The following HTR7 variants were observed in gnomAD, a reference collection of about 807,000 sequenced individuals.
HTR7 encodes 5-HT-7.
In HTR7, 16 loss-of-function variants were observed where a neutral mutation model predicts 34.0. That is an observed-to-expected ratio of 0.47 (90% CI 0.32 to 0.71). The LOEUF is 0.71. Among genes scored for constraint, HTR7 ranks in the 30% least tolerant of loss-of-function variants. The pLI, the probability that HTR7 is intolerant of heterozygous loss-of-function variation, is 0.04. For synonymous variants in HTR7, 265 were observed against 260.2 expected (o/e 1.02, Z -0.18); for missense variants, 504 against 625.5 (o/e 0.81, Z 2.07).
chr10:90,766,372 C>G (rs1038878606), intron 1 of HTR7, among the ~76,000 whole-genome samples: 1 of 152,138 alleles, frequency 6.6e-6, no homozygotes, highest in Non-Finnish European at 1.5e-5. Context: ...CATGAAATAT[C>G]TTTTTCCATC....
chr10:90,754,804 T>C (rs1844807725), intron 1 of HTR7, among the ~76,000 whole-genome samples: 1 of 152,204 alleles, frequency 6.6e-6, no homozygotes, highest in Admixed American at 6.5e-5. Flanking sequence ...AATGATAATT[T>C]AGGGAGTAAA....
At chr10:90,786,702 G>A (rs1845385401) in intron 1 of HTR7, among the ~76,000 whole-genome samples, 1 of 152,096 alleles carries the variant, frequency 6.6e-6, no homozygotes, top group Non-Finnish European at 1.5e-5. Context: ...TACACACAGC[G>A]GTACTCAACG....
chr10:90,748,685 G>A, intron 2 of HTR7, 154 bp downstream of exon 2: 1 of 797,206 alleles, frequency 1.3e-6, no homozygotes, highest in Non-Finnish European at 1.9e-6. Context: ...TTACTGGGTG[G>A]AAGACTGGAG....
intron 1 of HTR7, among the ~76,000 whole-genome samples, chr10:90,852,582 C>A (rs1846517002): frequency 6.6e-6 from 1 of 152,056 alleles, no homozygotes; most frequent in African/African-American, 2.4e-5. Context: ...TAGCCAGAAA[C>A]TAGAAAAAAA....
chr10:90,802,950 A>G (rs1845651303), intron 1 of HTR7, among the ~76,000 whole-genome samples: 1 of 145,694 alleles, frequency 6.9e-6, no homozygotes. Context: ...GAGACCATAG[A>G]GTATATGGCC....
chr10:90,855,895 CCTTTT>C (rs1488266020), intron 1 of HTR7, among the ~76,000 whole-genome samples: 1 of 152,078 alleles, frequency 6.6e-6, no homozygotes, highest in African/African-American at 2.4e-5. Context: ...GAAAATATTC[CCTTTT>C]CTATTATTTC....
intron 2 of HTR7, chr10:90,743,936 G>A (rs1441966249): frequency 1.5e-6 from 1 of 652,478 alleles, no homozygotes; most frequent in Non-Finnish European, 2.9e-6. Context: ...GAACTCCTGA[G>A]GTTCTGGTTA....
chr10:90,788,957 G>GT (rs1187687322), intron 1 of HTR7, among the ~76,000 whole-genome samples: 2 of 152,098 alleles, frequency 1.3e-5, no homozygotes, highest in East Asian at 3.9e-4. Context: ...CACCTCTACT[G>GT]TAAGGTCCTT....
intron 1 of HTR7, among the ~76,000 whole-genome samples, chr10:90,838,589 C>T (rs181398969): frequency 3.3e-5 from 5 of 152,330 alleles, no homozygotes; most frequent in South Asian, 4.1e-4. Context: ...GTGGTTCTGC[C>T]GCACTTAGAA....
intron 1 of HTR7, among the ~76,000 whole-genome samples, chr10:90,802,145 C>A (rs928666020): frequency 6.6e-6 from 1 of 152,100 alleles, no homozygotes; most frequent in Non-Finnish European, 1.5e-5. Flanking sequence ...TCGCTGTGGG[C>A]TCCTGAGAGG....
intron 1 of HTR7, among the ~76,000 whole-genome samples, chr10:90,825,909 G>C (rs997817029): frequency 6.6e-6 from 1 of 152,182 alleles, no homozygotes; most frequent in African/African-American, 2.4e-5. Flanking sequence ...GCCTTAAAGA[G>C]GAAGTGGAGA....
At chr10:90,856,791 G>C (rs377360967) in intron 1 of HTR7, among the ~76,000 whole-genome samples, 1 of 152,242 alleles carries the variant, frequency 6.6e-6, no homozygotes, top group East Asian at 1.9e-4. Context: ...TCACAGCAAG[G>C]CTTGATCAAG....
At chr10:90,785,026 T>C (rs1194858367) in intron 1 of HTR7, among the ~76,000 whole-genome samples, 1 of 152,188 alleles carries the variant, frequency 6.6e-6, no homozygotes, top group African/African-American at 2.4e-5. Context: ...CCAGAAAGAC[T>C]CTCTGATCTC....
intron 1 of HTR7, among the ~76,000 whole-genome samples, chr10:90,784,612 A>G (rs1845354456): frequency 6.6e-6 from 1 of 152,238 alleles, no homozygotes; most frequent in South Asian, 2.1e-4. Context: ...ATATATAATA[A>G]ATGAATTACA....
In HTR7 at chr10:90,857,610, A is replaced by C; in HGVS notation, c.62T>G (p.Leu21Arg). The C allele has an allele frequency of 6.3e-7, 1 of 1,599,694 alleles. No individual in the cohort carries two copies. The highest frequency in any genetic ancestry group is 2.3e-5 in the East Asian group (1 of 44,220). ...DLYGHLRSFL[L>R]PEVGRGLPDL... ...GGGCAGCCCGCGCCCCACTTCTGGC[A>C]GAAGGAAAGAGCGGAGGTGCCCGTA... Residue 21 changes from leucine (L) to arginine (R), a missense_variant, in exon 1 of 4, where the codon CTG becomes CGG. Around this residue, in one of 4 missense-constraint regions of HTR7, gnomAD observed 139 missense variants for 117.1 expected, o/e 1.19. Transcript: ENST00000336152. This position sits in a 1 kb window ranked among gnomAD's most constrained non-coding sequence, Gnocchi z 6.5.
At chr10:90,758,610 T>C (rs1378242595) in intron 1 of HTR7, among the ~76,000 whole-genome samples, 2 of 152,152 alleles carry the variant, frequency 1.3e-5, no homozygotes, top group South Asian at 2.1e-4. Flanking sequence ...AAGTATACAG[T>C]GATATAATTT....
intron 1 of HTR7, among the ~76,000 whole-genome samples, chr10:90,846,429 A>G (rs545624356): frequency 2.0e-5 from 3 of 152,326 alleles, no homozygotes; most frequent in Admixed American, 2.0e-4. Context: ...GCTGCATGTG[A>G]TAAACAACAT....
intron 1 of HTR7, among the ~76,000 whole-genome samples, chr10:90,775,214 T>A (rs1272205814): frequency 6.6e-6 from 1 of 152,226 alleles, no homozygotes; most frequent in Non-Finnish European, 1.5e-5. Context: ...GAGGGCCTAC[T>A]ACATTCCACT....
chr10:90,822,290 T>A (rs565022278), intron 1 of HTR7, among the ~76,000 whole-genome samples: 1 of 152,324 alleles, frequency 6.6e-6, no homozygotes, highest in East Asian at 1.9e-4. Context: ...GAGGAACTTA[T>A]TAGGAACTGA....
Sources: allele counts gnomAD v4.1 joint callset (sites outside exome capture counted in the v4.1 genomes callset), GRCh38; gene constraint gnomAD v4.1.1; regional missense constraint gnomAD v4.1.1; non-coding constraint Gnocchi (gnomAD v3.1); transcripts MANE v1.5; gene names NCBI Gene and HGNC (gene_info 2026-07-23, HGNC 2026-07-21).